PEAK1: variants seen among roughly 807,000 people sequenced by gnomAD.
The protein encoded by PEAK1 is pseudopodium enriched atypical kinase 1.
In PEAK1, 54 loss-of-function variants were observed where a neutral mutation model predicts 124.7. The observed-to-expected ratio is 0.43, with a 90% CI of 0.35 to 0.54. The LOEUF (loss-of-function observed/expected upper bound fraction) is 0.54. Ranked by LOEUF, PEAK1 falls within the 20% of genes least tolerant of loss-of-function variation. PEAK1 has a pLI of 0.01. For missense variants in PEAK1, 2,046 were observed against 2,134.5 expected (o/e 0.96, Z 0.82); for synonymous variants, 719 against 760.0 (o/e 0.95, Z 0.89).
chr15:77,194,250 T>C (rs980735350), intron 6 of PEAK1, among the ~76,000 whole-genome samples: 3 of 152,176 alleles, frequency 2.0e-5, no homozygotes, highest in African/African-American at 7.2e-5. Context: ...ACTTGAGTCC[T>C]GGATTTTCAT....
At chr15:77,270,339 G>T (rs1390507820) in intron 5 of PEAK1, among the ~76,000 whole-genome samples, 1 of 152,098 alleles carries the variant, frequency 6.6e-6, no homozygotes, top group African/African-American at 2.4e-5. Context: ...AAGTCAAATT[G>T]TCCCTGTTTG....
intron 6 of PEAK1, among the ~76,000 whole-genome samples, chr15:77,227,355 T>C (rs554963063): frequency 2.1e-3 from 324 of 152,244 alleles, no homozygotes; most frequent in Non-Finnish European, 3.8e-3. Context: ...CAGAGGCACA[T>C]TGACTATAGT....
intron 6 of PEAK1, among the ~76,000 whole-genome samples, chr15:77,188,266 T>A (rs983913782): frequency 2.0e-5 from 3 of 152,182 alleles, no homozygotes; most frequent in Admixed American, 1.3e-4. Context: ...CCCATCCAGT[T>A]CCAATTGTTC....
rs1300750812 is a variant in PEAK1 at position 77,301,545 on chromosome 15, CTG to C, written c.-602-15043_-602-15042del. On this transcript the variant is annotated intron_variant, in intron 2 of 9. Coordinates refer to ENST00000682557, the MANE Select transcript of PEAK1 (RefSeq NM_001385026.1). Reference sequence around the variant, plus strand: ...ATTACTGGTCATATGTTTTGCAAAACTGTGATTTATTTGATTTCTCATTAGAC... The same window carrying C: ...ATTACTGGTCATATGTTTTGCAAAACTGATTTATTTGATTTCTCATTAGAC... Among the ~76,000 whole-genome samples the C allele has an allele frequency of 2.0e-5, 3 of 152,270 alleles. No individual in the cohort carries two copies. In the East Asian group the frequency reaches 5.8e-4, roughly 29 times the overall value.
At chr15:77,158,463 G>A (rs200062057) in intron 8 of PEAK1, 40 bp downstream of exon 8, 1 of 1,569,814 alleles carries the variant, frequency 6.4e-7, no homozygotes, top group African/African-American at 1.3e-5. Flanking sequence ...TACAGAAAAA[G>A]GCAAAGTTTA....
chr15:77,103,274 T>C (rs2050713231), downstream of PEAK1: 1 of 152,142 alleles, frequency 6.6e-6, no homozygotes, highest in Non-Finnish European at 1.5e-5. Flanking sequence ...GCTTCCTGAA[T>C]AGCTGGGACC....
chr15:77,214,273 C>A (rs1042726865), intron 6 of PEAK1, among the ~76,000 whole-genome samples: 1 of 151,876 alleles, frequency 6.6e-6, no homozygotes, highest in African/African-American at 2.4e-5. Context: ...TGTATCAGTC[C>A]ATTCCTATAC....
rs1433260753 is a variant in PEAK1, at chr15:77,150,840, A to G, written c.3331+7663T>C. Among the ~76,000 whole-genome samples the G allele has an allele frequency of 2.0e-5, 3 of 151,776 alleles. No individual in the cohort carries two copies. The South Asian group carries it at 6.2e-4, about 32-fold the overall frequency. ...ATCCGTGTCCCTACAAAGGACATGA[A>G]CTCATCATTTTTTATGGCTGCATAG... On this transcript the variant is annotated intron_variant, in intron 8 of 9. Transcript: ENST00000682557.
chr15:77,349,341 A>C (rs1165527351), intron 2 of PEAK1: 2 of 982,106 alleles, frequency 2.0e-6, no homozygotes, highest in East Asian at 1.1e-4. Flanking sequence ...GCCCGGCCTC[A>C]GTCAATAATT....
intron 5 of PEAK1, among the ~76,000 whole-genome samples, chr15:77,263,498 A>T (rs2061550296): frequency 6.6e-6 from 1 of 152,206 alleles, no homozygotes; most frequent in African/African-American, 2.4e-5. Context: ...TAAACTAGAA[A>T]ATCTAGAATA....
intron 8 of PEAK1, among the ~76,000 whole-genome samples, chr15:77,152,622 G>A (rs1342480302): frequency 6.6e-6 from 1 of 152,012 alleles, no homozygotes; most frequent in Non-Finnish European, 1.5e-5. Context: ...ATTGGCTGTG[G>A]GTTTGTCATA....
intron 6 of PEAK1, among the ~76,000 whole-genome samples, chr15:77,246,948 G>A (rs919390644): frequency 6.6e-6 from 1 of 152,150 alleles, no homozygotes; most frequent in African/African-American, 2.4e-5. Context: ...AACTTGGGAG[G>A]CAGAGGTTGC....
intron 2 of PEAK1, among the ~76,000 whole-genome samples, chr15:77,326,156 T>C (rs2065563449): frequency 6.6e-6 from 1 of 152,118 alleles, no homozygotes; most frequent in Non-Finnish European, 1.5e-5. Context: ...TCTTGAACAA[T>C]TAACTTCCCC....
At chr15:77,339,940 G>A (rs771133230) in intron 2 of PEAK1, among the ~76,000 whole-genome samples, 25 of 152,278 alleles carry the variant, frequency 1.6e-4, no homozygotes, top group Non-Finnish European at 2.8e-4. Context: ...AAAACAATGA[G>A]CTACCATAAA....
intron 2 of PEAK1, among the ~76,000 whole-genome samples, chr15:77,307,558 T>A (rs1177537287): frequency 6.6e-6 from 1 of 152,098 alleles, no homozygotes; most frequent in East Asian, 1.9e-4. Context: ...AATCAGTTTA[T>A]TTATAAAAAC....
intron 1 of PEAK1, among the ~76,000 whole-genome samples, chr15:77,405,011 G>GTTTT (rs751125559): frequency 7.1e-6 from 1 of 141,622 alleles, no homozygotes; most frequent in Non-Finnish European, 1.6e-5. Context: ...TTAGTTTTTT[G>GTTTT]TTTTTTTTTT....
intron 1 of PEAK1, among the ~76,000 whole-genome samples, chr15:77,392,059 C>T (rs1415079104): frequency 6.6e-6 from 1 of 152,178 alleles, no homozygotes; most frequent in African/African-American, 2.4e-5. Context: ...GTACTTGACA[C>T]GTAGCATTGA....
intron 2 of PEAK1, among the ~76,000 whole-genome samples, chr15:77,345,385 T>C (rs1286056416): frequency 2.0e-5 from 3 of 152,214 alleles, no homozygotes; most frequent in Non-Finnish European, 2.9e-5. Context: ...CCATTTTGCA[T>C]AGTTTCTCTT....
At chr15:77,259,434 A>C (rs2061328339) in intron 5 of PEAK1, among the ~76,000 whole-genome samples, 1 of 152,146 alleles carries the variant, frequency 6.6e-6, no homozygotes, top group South Asian at 2.1e-4. Flanking sequence ...TCTGATTTAA[A>C]GTTTGTAATG....
Sources: gnomAD v4.1 joint callset for allele counts (sites outside exome capture counted in the v4.1 genomes callset) on GRCh38, gnomAD v4.1.1 for gene constraint, MANE v1.5 for transcripts, NCBI Gene and HGNC (gene_info 2026-07-23, HGNC 2026-07-21) for gene names.